Variants in QTGAL observed in about 807,000 individuals in gnomAD.
The protein encoded by QTGAL is BGnT-like protein 1.
At chr17:82,957,173 C>G in the QTGAL span, 3 of 1,614,186 alleles carry the variant, frequency 1.9e-6, no homozygotes, top group African/African-American at 4.0e-5. Context: ...CCATGCGGCC[C>G]TGCACACCTG....
the QTGAL span, among the ~76,000 whole-genome samples, chr17:82,959,010 TG>T: frequency 6.6e-4 from 12 of 18,124 alleles, 1 homozygote; most frequent in Non-Finnish European, 9.1e-4. Context: ...GTATACTGTG[TG>T]GGGGTGTATG....
the QTGAL span, among the ~76,000 whole-genome samples, chr17:83,025,206 T>C: frequency 3.9e-5 from 4 of 101,756 alleles, no homozygotes; most frequent in African/African-American, 1.3e-4. Context: ...CACACACACA[T>C]AGAAACTGTG....
chr17:83,040,841 G>A, the QTGAL span, among the ~76,000 whole-genome samples: 53 of 152,228 alleles, frequency 3.5e-4, no homozygotes, highest in East Asian at 3.3e-3. Context: ...CGAGGCAGGC[G>A]GATCACAAGG....
chr17:82,973,725 C>G, the QTGAL span, among the ~76,000 whole-genome samples: 1 of 152,116 alleles, frequency 6.6e-6, no homozygotes, highest in Non-Finnish European at 1.5e-5. Context: ...TAGTTGTAAG[C>G]GTCAAACGAG....
the QTGAL span, among the ~76,000 whole-genome samples, chr17:83,042,951 CA>C: frequency 2.0e-5 from 3 of 152,052 alleles, no homozygotes; most frequent in Admixed American, 6.6e-5. Context: ...TTAGAAAAGA[CA>C]AAGAAAGAGT....
the QTGAL span, chr17:82,947,079 G>T: frequency 9.7e-7 from 1 of 1,033,316 alleles, no homozygotes; most frequent in Non-Finnish European, 1.4e-6. Context: ...GGTGGCCTGT[G>T]TCCACCTGTC....
At chr17:82,963,623 G>A in the QTGAL span, among the ~76,000 whole-genome samples, 40 of 152,174 alleles carry the variant, frequency 2.6e-4, no homozygotes, top group South Asian at 7.3e-3. Context: ...GGGAGGTGGC[G>A]GAGACCCATC....
At chr17:83,020,814 G>A in the QTGAL span, among the ~76,000 whole-genome samples, 1 of 152,198 alleles carries the variant, frequency 6.6e-6, no homozygotes, top group Non-Finnish European at 1.5e-5. Flanking sequence ...GTGAGGACGG[G>A]GACTGGAGAA....
the QTGAL span, among the ~76,000 whole-genome samples, chr17:82,986,658 C>T: frequency 3.3e-5 from 5 of 152,274 alleles, no homozygotes; most frequent in Non-Finnish European, 5.9e-5. Flanking sequence ...ACCCTGATCA[C>T]TGTGAACTCA....
At chr17:83,002,861 C>T in the QTGAL span, among the ~76,000 whole-genome samples, 1 of 89,604 alleles carries the variant, frequency 1.1e-5, no homozygotes, top group Non-Finnish European at 2.5e-5. Flanking sequence ...CTCTGCAGTC[C>T]GCGTGTGGGA....
chr17:82,994,409 T>C, the QTGAL span, among the ~76,000 whole-genome samples: 2 of 151,536 alleles, frequency 1.3e-5, no homozygotes, highest in African/African-American at 4.8e-5. Context: ...TTTAGAAAAA[T>C]TAGAAATAAA....
the QTGAL span, among the ~76,000 whole-genome samples, chr17:82,964,011 C>T: frequency 1.7e-4 from 15 of 90,464 alleles, no homozygotes; most frequent in African/African-American, 8.2e-4. Context: ...AATCTCAGCA[C>T]TTTGGAAGGC....
the QTGAL span, among the ~76,000 whole-genome samples, chr17:83,043,530 A>C: frequency 6.6e-6 from 1 of 152,346 alleles, no homozygotes; most frequent in East Asian, 1.9e-4. Context: ...ATCAGTGCAT[A>C]GAAAGGAATT....
At chr17:83,051,064 G>C in the QTGAL span, among the ~76,000 whole-genome samples, 2 of 151,380 alleles carry the variant, frequency 1.3e-5, no homozygotes, top group African/African-American at 4.9e-5. Context: ...TGCAGACCAG[G>C]TGTGTGGGGT....
the QTGAL span, among the ~76,000 whole-genome samples, chr17:83,041,276 G>A: frequency 2.0e-5 from 3 of 151,990 alleles, no homozygotes; most frequent in Non-Finnish European, 4.4e-5. Flanking sequence ...ACCAACATAT[G>A]CACAATGCAA....
the QTGAL span, among the ~76,000 whole-genome samples, chr17:82,970,520 C>CACCCAGTGTGGACATGACCTCCG: frequency 1.3e-4 from 13 of 97,450 alleles, no homozygotes; most frequent in African/African-American, 4.8e-4. Flanking sequence ...CAGGTCCTCC[C>CACCCAGTGTGGACATGACCTCCG]CACCCAGCGT....
the QTGAL span, among the ~76,000 whole-genome samples, chr17:83,026,599 A>C: frequency 6.6e-6 from 1 of 151,572 alleles, no homozygotes; most frequent in African/African-American, 2.4e-5. Context: ...CTGCAGACAA[A>C]CCCACCATCG....
the QTGAL span, among the ~76,000 whole-genome samples, chr17:83,027,812 C>T: frequency 6.6e-6 from 1 of 151,360 alleles, no homozygotes; most frequent in Admixed American, 6.6e-5. Context: ...CTCTGTAACT[C>T]ATTAATAGTA....
At chr17:82,980,689 C>T in the QTGAL span, among the ~76,000 whole-genome samples, 124,285 of 152,110 alleles carry the variant, frequency 0.82, 51,131 homozygotes, top group African/African-American at 0.91. Flanking sequence ...GTGGTGTAGA[C>T]GGTCTAGGTC....
Sources: gnomAD v4.1 joint callset for allele counts (sites outside exome capture counted in the v4.1 genomes callset) on GRCh38, gnomAD v4.1.1 for gene constraint, MANE v1.5 for transcripts, NCBI Gene and HGNC (gene_info 2026-07-23, HGNC 2026-07-21) for gene names.